The following CTNNA3 variants were observed in gnomAD, a reference collection of about 807,000 sequenced individuals.
CTNNA3 encodes the protein catenin alpha 3, also known as catenin alpha-3.
CTNNA3 carries 76 observed loss-of-function variants against 95.7 expected under a neutral mutation model. The ratio of observed to expected loss-of-function variants is 0.79; its 90% confidence interval spans 0.66 to 0.96. The LOEUF (loss-of-function observed/expected upper bound fraction) is 0.96, where lower values mean the gene tolerates loss of function less well. Ranked by LOEUF, CTNNA3 falls within the 40% of genes least tolerant of loss-of-function variation. CTNNA3 has a pLI of 0.00. For synonymous variants in CTNNA3, 431 were observed against 374.4 expected (o/e 1.15, Z -1.74); for missense variants, 1,191 against 1,089.8 (o/e 1.09, Z -1.31).
intron 5 of CTNNA3, among the ~76,000 whole-genome samples, chr10:67,356,664 C>A (rs1343373149): frequency 6.6e-6 from 1 of 151,964 alleles, no homozygotes; most frequent in Non-Finnish European, 1.5e-5. Flanking sequence ...CAGCTCACGC[C>A]CTCTCATTCT....
In CTNNA3 at chr10:66,447,206, C is replaced by T. The variant is rs1354807213; in HGVS notation, c.1532-67854G>A. 7.9e-5 allele frequency among the ~76,000 whole-genome samples: 12 copies of T among 152,252 alleles called. No individual in the cohort carries two copies. In the East Asian group the frequency reaches 2.3e-3, roughly 29 times the overall value. On this transcript the variant is annotated intron_variant, in intron 11 of 17. Transcript: ENST00000433211. ...CAAACAAATGGAAGAATATTCCATG[C>T]TCATGGGTAGGAAGAATCAATATCG...
intron 12 of CTNNA3, among the ~76,000 whole-genome samples, chr10:66,340,780 CCT>C (rs903468472): frequency 3.3e-5 from 5 of 151,426 alleles, no homozygotes; most frequent in Non-Finnish European, 7.4e-5. Context: ...TATTCTTACC[CCT>C]GTTTAATAGA....
At chr10:66,459,998 T>G (rs2093518198) in intron 11 of CTNNA3, among the ~76,000 whole-genome samples, 1 of 152,138 alleles carries the variant, frequency 6.6e-6, no homozygotes, top group Non-Finnish European at 1.5e-5. Flanking sequence ...GATCTAACAT[T>G]TTTTTCTTCC....
intron 12 of CTNNA3, among the ~76,000 whole-genome samples, chr10:66,304,656 C>A (rs755669777): frequency 4.1e-4 from 62 of 152,038 alleles, no homozygotes; most frequent in Admixed American, 5.9e-4. Context: ...AAAATTTGAT[C>A]CTACAATACA....
chr10:66,253,891 T>C (rs2090657139), intron 13 of CTNNA3, among the ~76,000 whole-genome samples: 1 of 152,142 alleles, frequency 6.6e-6, no homozygotes, highest in Non-Finnish European at 1.5e-5. Context: ...GGCAACTATC[T>C]CTGATGGTTG....
chr10:66,270,127 T>C (rs781631027), intron 13 of CTNNA3, among the ~76,000 whole-genome samples: 14 of 151,734 alleles, frequency 9.2e-5, no homozygotes, highest in Non-Finnish European at 1.6e-4. Flanking sequence ...GTTCTTGTCC[T>C]TAATTCCTTG....
intron 6 of CTNNA3, among the ~76,000 whole-genome samples, chr10:67,210,731 T>TGG (rs143040362): frequency 7.2e-4 from 109 of 150,396 alleles, no homozygotes; most frequent in Admixed American, 1.1e-3. Context: ...ATACTGCATA[T>TGG]GGGGGGGGGC....
chr10:67,140,054 A>C (rs1860481309), intron 7 of CTNNA3, among the ~76,000 whole-genome samples: 1 of 152,176 alleles, frequency 6.6e-6, no homozygotes, highest in South Asian at 2.1e-4. Context: ...TATTAGGAAA[A>C]TCTCTTACTA....
At chr10:67,007,236 G>A (rs1194646387) in intron 7 of CTNNA3, among the ~76,000 whole-genome samples, 1 of 152,142 alleles carries the variant, frequency 6.6e-6, no homozygotes, top group Non-Finnish European at 1.5e-5. Flanking sequence ...TCAACACATT[G>A]AACTGAAATT....
intron 7 of CTNNA3, among the ~76,000 whole-genome samples, chr10:67,119,092 A>T (rs1043218049): frequency 1.3e-5 from 2 of 151,980 alleles, no homozygotes; most frequent in African/African-American, 2.4e-5. Context: ...TAATGAAAAC[A>T]TCAATGTGTG....
intron 9 of CTNNA3, among the ~76,000 whole-genome samples, chr10:66,654,397 A>G (rs1465655532): frequency 1.3e-5 from 2 of 152,128 alleles, no homozygotes; most frequent in African/African-American, 4.8e-5. Flanking sequence ...TTAAAACTGC[A>G]ATGAGCTATA....
intron 13 of CTNNA3, among the ~76,000 whole-genome samples, chr10:66,167,431 G>A (rs749763836): frequency 1.3e-5 from 2 of 151,940 alleles, no homozygotes; most frequent in South Asian, 2.1e-4. Context: ...AGATCACTGG[G>A]GCTTAATAGA....
chr10:67,732,392 T>C (rs1398202363), intron 1 of CTNNA3, among the ~76,000 whole-genome samples: 1 of 152,210 alleles, frequency 6.6e-6, no homozygotes, highest in Admixed American at 6.5e-5. Flanking sequence ...AAAAGTATCA[T>C]AAAAATCTCA....
chr10:66,280,606 A>C lies in CTNNA3; in HGVS notation c.1748T>G (p.Val583Gly). Residue 583 changes from valine (V) to glycine (G), a missense_variant, in exon 13 of 18, where the codon GTA (valine) becomes GGA (glycine). By Grantham distance (109) the Val-to-Gly change is moderately radical. Coordinates refer to ENST00000433211, the MANE Select transcript of CTNNA3 (RefSeq NM_013266.4). ...FLTSTVIPEF[V>G]TQVNVALEAL... ...TTCCAAGGCAACATTCACTTGTGTT[A>C]CAAATTCAGGAATTACTGTTAAAAT... The C allele has an allele frequency of 6.2e-7, 1 of 1,605,908 alleles. No individual in the cohort carries two copies. The highest frequency in any genetic ancestry group is 8.5e-7 in the Non-Finnish European group (1 of 1,176,862).
chr10:66,183,693 G>T (rs2086171092), intron 13 of CTNNA3, among the ~76,000 whole-genome samples: 2 of 152,122 alleles, frequency 1.3e-5, no homozygotes, highest in African/African-American at 2.4e-5. Context: ...CCTAAATGTT[G>T]ATTTATTTTT....
rs372711408 is a variant in CTNNA3 at position 66,495,758 on chromosome 10, T to C, written c.1531+24859A>G. ...GTAGCCTCTGTCTCCCAGGTTCAAG[T>C]GATTCTCCTGCCTCAGCCTCCTGAG... On this transcript the variant is annotated intron_variant, in intron 11 of 17. Coordinates refer to ENST00000433211, the MANE Select transcript of CTNNA3 (RefSeq NM_013266.4). Among the ~76,000 whole-genome samples, 55 of 152,150 alleles carry C rather than the reference T, an allele frequency of 3.6e-4. 1 individual carries two copies. The South Asian group carries it at 0.011, about 31-fold the overall frequency.
At chr10:66,162,949 C>T (rs967371829) in intron 13 of CTNNA3, among the ~76,000 whole-genome samples, 10 of 151,880 alleles carry the variant, frequency 6.6e-5, no homozygotes, top group East Asian at 1.9e-4. Context: ...AGGAGGATTA[C>T]GGCTGCCTCT....
At chr10:66,623,719 G>T (rs1437347070) in intron 9 of CTNNA3, among the ~76,000 whole-genome samples, 1 of 151,724 alleles carries the variant, frequency 6.6e-6, no homozygotes. Context: ...AGGTAATAGA[G>T]TATATTTCAA....
At chr10:66,914,780 T>C (rs926683862) in intron 7 of CTNNA3, among the ~76,000 whole-genome samples, 1 of 152,178 alleles carries the variant, frequency 6.6e-6, no homozygotes, top group Non-Finnish European at 1.5e-5. Flanking sequence ...AACTCTGCCA[T>C]TGTAGCTTGA....
Sources: allele counts gnomAD v4.1 joint callset (sites outside exome capture counted in the v4.1 genomes callset), GRCh38; gene constraint gnomAD v4.1.1; transcripts MANE v1.5; gene names NCBI Gene and HGNC (gene_info 2026-07-23, HGNC 2026-07-21).